Variants in RBMS3 observed in about 807,000 individuals in gnomAD.
RBMS3 encodes the protein RNA binding motif single stranded interacting protein 3.
In RBMS3, 27 loss-of-function variants were observed where a neutral mutation model predicts 66.8. That is an observed-to-expected ratio of 0.40 (90% confidence interval 0.30 to 0.56). RBMS3 has a LOEUF of 0.56. Among genes scored for constraint, RBMS3 ranks in the 20% least tolerant of loss-of-function variants. The probability of loss-of-function intolerance (pLI) is 0.40; values close to 1 mark genes in which losing one functional copy is unlikely to be tolerated. For synonymous variants in RBMS3, 188 were observed against 183.0 expected, an observed-to-expected ratio of 1.03 and a Z score of -0.22; for missense variants, 513 against 549.5, an observed-to-expected ratio of 0.93 and a Z score of 0.66.
intron 1 of RBMS3, among the ~76,000 whole-genome samples, chr3:29,350,436 T>C (rs542428754): frequency 6.6e-6 from 1 of 152,312 alleles, no homozygotes; most frequent in East Asian, 1.9e-4. Context: ...TAGGTAATTA[T>C]ATAAAGTAAA....
intron 3 of RBMS3, among the ~76,000 whole-genome samples, chr3:29,526,820 C>T (rs962907437): frequency 6.6e-6 from 1 of 151,806 alleles, no homozygotes; most frequent in Non-Finnish European, 1.5e-5. Flanking sequence ...ACCTCCAATT[C>T]CTCCCTCTCT....
intron 2 of RBMS3, among the ~76,000 whole-genome samples, chr3:29,443,012 T>C (rs1237449287): frequency 1.7e-4 from 26 of 152,122 alleles, no homozygotes; most frequent in Admixed American, 1.6e-3. Flanking sequence ...TTCTATATTG[T>C]CCACCATCAA....
At chr3:29,841,397 A>G (rs2058661420) in intron 6 of RBMS3, among the ~76,000 whole-genome samples, 1 of 152,002 alleles carries the variant, frequency 6.6e-6, no homozygotes, top group Non-Finnish European at 1.5e-5. Context: ...GGAATAGTAA[A>G]ATTAGAGGAA....
At chr3:29,669,164 C>T (rs375252003) in intron 4 of RBMS3, among the ~76,000 whole-genome samples, 32 of 152,298 alleles carry the variant, frequency 2.1e-4, no homozygotes, top group East Asian at 1.2e-3. Flanking sequence ...GTGGAGTGTG[C>T]TCCCGAACCC....
intron 3 of RBMS3, among the ~76,000 whole-genome samples, chr3:29,514,047 C>G (rs2044516689): frequency 6.6e-6 from 1 of 152,126 alleles, no homozygotes; most frequent in Admixed American, 6.5e-5. Context: ...GTGCCTAACA[C>G]AGTGCCTGGC....
At chr3:29,743,955 C>G (rs890480722) in intron 5 of RBMS3, among the ~76,000 whole-genome samples, 1 of 130,960 alleles carries the variant, frequency 7.6e-6, no homozygotes, top group Non-Finnish European at 1.5e-5. Flanking sequence ...TCCATGTGTT[C>G]TCATTGTTCA....
In RBMS3 at chr3:29,795,403, C is replaced by T. The variant is rs978466989; in HGVS notation, c.637+32414C>T. On this transcript the variant is annotated intron_variant, in intron 6 of 14. Coordinates refer to ENST00000383767, the MANE Select transcript of RBMS3 (RefSeq NM_001003793.3). ...TTGCATTTTTCAGGTTAACTACATA[C>T]GTGACTAGCAAGACAAAATACAGCA... is the stretch of plus-strand genomic sequence containing the variant. Among the ~76,000 whole-genome samples, 12 of 152,258 alleles carry T rather than the reference C, an allele frequency of 7.9e-5. No individual in the cohort carries two copies. In the East Asian group the frequency reaches 1.4e-3, roughly 17 times the overall value.
chr3:30,006,757 G>A lies in RBMS3; in HGVS notation c.*2895G>A, dbSNP rs183995528. 8 of 152,022 alleles carry A rather than the reference G, an allele frequency of 5.3e-5. No homozygotes were observed. In the East Asian group the frequency reaches 1.5e-3, roughly 29 times the overall value. 9.4% of individuals were successfully genotyped at this position (152,022 alleles called of 1,614,324 possible). On this transcript the variant is annotated 3_prime_UTR_variant, in exon 15 of 15. Coordinates refer to ENST00000383767, the MANE Select transcript of RBMS3 (RefSeq NM_001003793.3). ...AAAATAACCAAAAACATGTATTAATGTGATACAAAGAAAGTCTCATTCACA... is the reference window on the plus strand; with the variant it reads ...AAAATAACCAAAAACATGTATTAATATGATACAAAGAAAGTCTCATTCACA...
intron 2 of RBMS3, among the ~76,000 whole-genome samples, chr3:29,473,152 G>C (rs2042805798): frequency 6.6e-6 from 1 of 151,070 alleles, no homozygotes; most frequent in African/African-American, 2.4e-5. Context: ...CCCTTAGCTA[G>C]ACATAAAGTT....
intron 6 of RBMS3, among the ~76,000 whole-genome samples, chr3:29,833,235 A>G (rs1437863792): frequency 6.6e-6 from 1 of 152,240 alleles, no homozygotes; most frequent in Admixed American, 6.5e-5. Flanking sequence ...AGAATACAGT[A>G]ATGTAAGACT....
intron 1 of RBMS3, among the ~76,000 whole-genome samples, chr3:29,391,831 T>C (rs550258331): frequency 6.6e-6 from 1 of 152,320 alleles, no homozygotes; most frequent in African/African-American, 2.4e-5. Flanking sequence ...TATGATTATT[T>C]TTGTAAAACT....
At chr3:29,753,026 T>A (rs1466739353) in intron 5 of RBMS3, among the ~76,000 whole-genome samples, 4 of 152,180 alleles carry the variant, frequency 2.6e-5, no homozygotes, top group African/African-American at 9.7e-5. Flanking sequence ...CCGTTATATA[T>A]GTATATTTAT....
intron 6 of RBMS3, among the ~76,000 whole-genome samples, chr3:29,845,003 T>C (rs2058745065): frequency 6.6e-6 from 1 of 152,178 alleles, no homozygotes; most frequent in Admixed American, 6.5e-5. Context: ...TCTGAGGACA[T>C]GATAGCAGGA....
intron 6 of RBMS3, among the ~76,000 whole-genome samples, chr3:29,851,596 T>C (rs2058936762): frequency 6.6e-6 from 1 of 152,210 alleles, no homozygotes; most frequent in Non-Finnish European, 1.5e-5. Context: ...CATTTAAAAA[T>C]TGATAACTAT....
chr3:29,627,882 G>T (rs2049129892), intron 4 of RBMS3, among the ~76,000 whole-genome samples: 1 of 152,070 alleles, frequency 6.6e-6, no homozygotes, highest in Non-Finnish European at 1.5e-5. Flanking sequence ...GTATCTTTCA[G>T]GTCCCTCTGC....
intron 4 of RBMS3, among the ~76,000 whole-genome samples, chr3:29,636,965 A>T (rs1011162640): frequency 6.6e-6 from 1 of 151,886 alleles, no homozygotes; most frequent in Non-Finnish European, 1.5e-5. Flanking sequence ...GCAACATATC[A>T]TGTATGTGTG....
intron 4 of RBMS3, among the ~76,000 whole-genome samples, chr3:29,681,272 T>G (rs1482487091): frequency 6.6e-6 from 1 of 152,258 alleles, no homozygotes; most frequent in Admixed American, 6.5e-5. Flanking sequence ...CTAATCAGCT[T>G]CTTCTCCTAC....
intron 1 of RBMS3, 57 bp downstream of exon 1, chr3:29,281,813 G>A (rs1157140473): frequency 1.4e-6 from 2 of 1,433,226 alleles, no homozygotes; most frequent in Middle Eastern, 1.8e-4. Context: ...ACTTGGGATG[G>A]GAAACAGACA....
chr3:29,430,555 G>A (rs7643656), intron 1 of RBMS3, among the ~76,000 whole-genome samples: 100,413 of 151,958 alleles, frequency 0.66, 33,798 homozygotes, highest in African/African-American at 0.8. Flanking sequence ...TGGAGGACAC[G>A]TTTATTGCTT....
Sources: allele counts gnomAD v4.1 joint callset (sites outside exome capture counted in the v4.1 genomes callset), GRCh38; gene constraint gnomAD v4.1.1; transcripts MANE v1.5; gene names NCBI Gene and HGNC (gene_info 2026-07-23, HGNC 2026-07-21).